Variants in PLCB4 observed in about 807,000 individuals in gnomAD.
PLCB4 encodes phospholipase C beta 4, also known as 1-phosphatidylinositol 4,5-bisphosphate phosphodiesterase beta-4.
PLCB4 carries 77 observed loss-of-function variants against 178.8 expected under a neutral mutation model. The observed-to-expected ratio is 0.43, with a 90% CI of 0.36 to 0.52. The LOEUF (loss-of-function observed/expected upper bound fraction) is 0.52, where lower values mean the gene tolerates loss of function less well. PLCB4 is among the 20% of genes least tolerant of loss of function. The probability of loss-of-function intolerance (pLI) is 0.00; values close to 1 mark genes in which losing one functional copy is unlikely to be tolerated. For synonymous variants in PLCB4, 496 were observed against 490.8 expected, an observed-to-expected ratio of 1.01 and a Z score of -0.14; for missense variants, 1,024 against 1,453.4, an observed-to-expected ratio of 0.70 and a Z score of 4.80.
In PLCB4 at chr20:9,385,063, G is replaced by A. The variant is rs1020059580; in HGVS notation, c.1064+652G>A. ...TGTTTAACAAAGCACATCTTGTACC[G>A]CCCTTAATCCATTTAACCCTGAGTT... On this transcript the variant is annotated intron_variant, in intron 14 of 39. Coordinates refer to ENST00000378473, the MANE Select transcript of PLCB4 (RefSeq NM_001377142.1). 4.6e-5 allele frequency among the ~76,000 whole-genome samples: 7 copies of A among 152,068 alleles called. No homozygotes were observed. The East Asian group carries it at 5.8e-4, about 13-fold the overall frequency.
intron 2 of PLCB4, among the ~76,000 whole-genome samples, chr20:9,098,200 G>A (rs962483585): frequency 1.3e-5 from 2 of 152,118 alleles, no homozygotes; most frequent in African/African-American, 2.4e-5. Context: ...CAGAGAGTGA[G>A]GATAATCTTT....
intron 1 of PLCB4, among the ~76,000 whole-genome samples, chr20:9,080,001 G>C (rs2146509349): frequency 6.6e-6 from 1 of 152,248 alleles, no homozygotes; most frequent in Admixed American, 6.5e-5. Context: ...TCCTAAGATA[G>C]ATATAATTCC....
chr20:9,179,157 AT>A (rs1297981656), intron 2 of PLCB4, among the ~76,000 whole-genome samples: 1 of 152,168 alleles, frequency 6.6e-6, no homozygotes, highest in Non-Finnish European at 1.5e-5. Flanking sequence ...AGGATTTTGA[AT>A]AGGGGACTGT....
chr20:9,346,043 A>C (rs1274182843), intron 7 of PLCB4, among the ~76,000 whole-genome samples: 1 of 152,180 alleles, frequency 6.6e-6, no homozygotes, highest in East Asian at 1.9e-4. Context: ...CCCTGCAACC[A>C]GTTCCTCTAC....
chr20:9,251,494 A>G (rs753444374), intron 3 of PLCB4, among the ~76,000 whole-genome samples: 13 of 152,216 alleles, frequency 8.5e-5, no homozygotes, highest in Non-Finnish European at 1.3e-4. Flanking sequence ...GCAACTCGGT[A>G]GTGGCATCAA....
intron 2 of PLCB4, among the ~76,000 whole-genome samples, chr20:9,170,006 C>A (rs1600865036): frequency 1.3e-5 from 2 of 152,086 alleles, no homozygotes; most frequent in African/African-American, 4.8e-5. Flanking sequence ...AATTTCTATT[C>A]GATGAAATGC....
At chr20:9,129,878 C>G (rs1296675673) in intron 2 of PLCB4, among the ~76,000 whole-genome samples, 3 of 152,074 alleles carry the variant, frequency 2.0e-5, no homozygotes, top group African/African-American at 7.2e-5. Flanking sequence ...GCTCTACAAA[C>G]AAATAGGTCT....
intron 2 of PLCB4, among the ~76,000 whole-genome samples, chr20:9,149,416 C>T (rs2092653542): frequency 1.3e-5 from 2 of 152,148 alleles, no homozygotes; most frequent in African/African-American, 4.8e-5. Context: ...TAACAAGTCA[C>T]CTGATTTGAA....
intron 7 of PLCB4, among the ~76,000 whole-genome samples, chr20:9,349,383 G>A (rs2034124710): frequency 6.6e-6 from 1 of 152,122 alleles, no homozygotes; most frequent in Non-Finnish European, 1.5e-5. Context: ...TTGGACTCAT[G>A]CTGTTTAATA....
chr20:9,452,946 G>A (rs1475903006), intron 32 of PLCB4, among the ~76,000 whole-genome samples: 3 of 152,216 alleles, frequency 2.0e-5, no homozygotes, highest in Non-Finnish European at 4.4e-5. Flanking sequence ...AAACATGGTG[G>A]CTGAACTTGC....
In PLCB4 at chr20:9,354,985, T is replaced by C. The variant is rs116012398; in HGVS notation, c.370-7911T>C. Among the ~76,000 whole-genome samples, 803 of 152,272 alleles carry C rather than the reference T, an allele frequency of 5.3e-3. 8 individuals carry two copies. The highest frequency in any genetic ancestry group is 0.018 in the African/African-American group (759 of 41,554). On this transcript the variant is annotated intron_variant, in intron 7 of 39. Coordinates refer to ENST00000378473, the MANE Select transcript of PLCB4 (RefSeq NM_001377142.1). ...TACCTGCAGTGTTTAAAAAAGCAGA[T>C]TGAAAGACAGCCCAAGTACATTCTA...
In PLCB4 at chr20:9,261,664, T is replaced by C. The variant is rs533662496; in HGVS notation, c.-16+44212T>C. On this transcript the variant is annotated intron_variant, in intron 3 of 39. Coordinates refer to ENST00000378473, the MANE Select transcript of PLCB4 (RefSeq NM_001377142.1). ...ACTTGACTTTGAGTATGTAATTGAT[T>C]TCATAAGTAAAAAGATAATGAAATG... 5.9e-5 allele frequency among the ~76,000 whole-genome samples: 9 copies of C among 152,266 alleles called. No individual in the cohort carries two copies. The South Asian group carries it at 1.9e-3, about 32-fold the overall frequency.
rs544754349 is a variant in PLCB4, at chr20:9,420,988, T to G, written c.2155-309T>G. 2.0e-5 allele frequency among the ~76,000 whole-genome samples: 3 copies of G among 152,320 alleles called. No individual in the cohort carries two copies. The South Asian group carries it at 6.2e-4, about 32-fold the overall frequency. ...TGAATTCATCACTTCATTTCATAGG[T>G]GTAGACACTTAGGTGAGATGAAGAG... On this transcript the variant is annotated intron_variant, in intron 26 of 39. Coordinates refer to ENST00000378473, the MANE Select transcript of PLCB4 (RefSeq NM_001377142.1).
chr20:9,210,543 A>T (rs2093662535), intron 2 of PLCB4, among the ~76,000 whole-genome samples: 2 of 152,262 alleles, frequency 1.3e-5, no homozygotes, highest in Non-Finnish European at 2.9e-5. Flanking sequence ...CTGAAAACCC[A>T]AGCTTTCTCT....
At chr20:9,283,204 A>G (rs904302417) in intron 3 of PLCB4, among the ~76,000 whole-genome samples, 4 of 152,000 alleles carry the variant, frequency 2.6e-5, no homozygotes, top group Non-Finnish European at 4.4e-5. Flanking sequence ...TGAACTAGTC[A>G]TATACATGCT....
At chr20:9,422,612 T>C (rs182802032) in intron 27 of PLCB4, among the ~76,000 whole-genome samples, 79 of 152,048 alleles carry the variant, frequency 5.2e-4, no homozygotes, top group African/African-American at 1.8e-3. Flanking sequence ...ATACCCAGCT[T>C]AGTGTTTATA....
intron 12 of PLCB4, among the ~76,000 whole-genome samples, chr20:9,376,556 A>G (rs2036691925): frequency 1.3e-5 from 2 of 152,286 alleles, no homozygotes; most frequent in South Asian, 4.2e-4. Context: ...GAGGGATAGC[A>G]GAGGCACTTA....
chr20:9,084,581 G>C (rs2090312839), intron 1 of PLCB4, among the ~76,000 whole-genome samples: 1 of 151,728 alleles, frequency 6.6e-6, no homozygotes, highest in Non-Finnish European at 1.5e-5. Context: ...GCTTAATTTG[G>C]TGCCTGTCAG....
intron 1 of PLCB4, among the ~76,000 whole-genome samples, chr20:9,079,881 A>G (rs2090065905): frequency 6.6e-6 from 1 of 152,090 alleles, no homozygotes; most frequent in Non-Finnish European, 1.5e-5. Flanking sequence ...GCTTCTTGGG[A>G]AATGCGTAGA....
Sources: allele counts gnomAD v4.1 joint callset (sites outside exome capture counted in the v4.1 genomes callset), GRCh38; gene constraint gnomAD v4.1.1; transcripts MANE v1.5; gene names NCBI Gene and HGNC (gene_info 2026-07-23, HGNC 2026-07-21).